The following RNF213 variants were observed in gnomAD, a reference collection of about 807,000 sequenced individuals.
RNF213 encodes the protein E3 ubiquitin-protein ligase RNF213.
In RNF213, 341 loss-of-function variants were observed where a neutral mutation model predicts 514.4. That is an observed-to-expected ratio of 0.66 (90% CI 0.61 to 0.73). RNF213 has a LOEUF of 0.73. Among genes scored for constraint, RNF213 ranks in the 30% least tolerant of loss-of-function variants. The pLI, the probability that RNF213 is intolerant of heterozygous loss-of-function variation, is 0.00. For synonymous variants in RNF213, 2,655 were observed against 2,658.2 expected (o/e 1.00, Z 0.04); for missense variants, 5,767 against 6,615.6 (o/e 0.87, Z 4.45).
chr17:80,285,653 C>T (rs1046667742), intron 3 of RNF213, among the ~76,000 whole-genome samples: 78 of 152,120 alleles, frequency 5.1e-4, no homozygotes, highest in African/African-American at 1.8e-3. Context: ...GACTCTTCTT[C>T]TGCAGCTGCT....
At chr17:80,337,184 G>C (rs1030523958) in intron 23 of RNF213, among the ~76,000 whole-genome samples, 2 of 152,224 alleles carry the variant, frequency 1.3e-5, no homozygotes, top group East Asian at 3.8e-4. Flanking sequence ...CTGAGGACTT[G>C]GGACTCCACA....
chr17:80,325,498 G>A (rs2046256113), intron 18 of RNF213, among the ~76,000 whole-genome samples: 2 of 152,016 alleles, frequency 1.3e-5, no homozygotes, highest in South Asian at 2.1e-4. Flanking sequence ...AAGGCCCCCA[G>A]TTTTCAGATC....
chr17:80,364,505 C>T lies in RNF213; in HGVS notation c.11823C>T (p.Val3941=), dbSNP rs148958011. Reference sequence around the variant, plus strand: ...TGCTCCTAGGAACCGAGAGCCGCGTCCCCGAGTTACAGGGGCTGGTGACCG... The same window carrying T: ...TGCTCCTAGGAACCGAGAGCCGCGTTCCCGAGTTACAGGGGCTGGTGACCG... ...EHVLLGTESR[V]PELQGLVTEH... is the part of the protein sequence containing the mutation. Residue 3941 remains valine (V), a synonymous_variant, in exon 42 of 68, where the codon GTC becomes GTT. Coordinates refer to ENST00000582970, the MANE Select transcript of RNF213 (RefSeq NM_001256071.3). 7.5e-4 allele frequency: 1,207 copies of T among 1,614,160 alleles called. No homozygotes were observed. Among genetic ancestry groups the T allele is most frequent in the Non-Finnish European group, 9.2e-4 (1,091 of 1,180,026 alleles).
intron 6 of RNF213, 88 bp from the exon 7 acceptor site, chr17:80,290,482 C>T (rs12942629): frequency 0.2 from 294,071 of 1,500,770 alleles, 30,462 homozygotes; most frequent in African/African-American, 0.36. Context: ...CGTGTGTGTG[C>T]GCACGTGTGT....
chr17:80,362,666 G>A (rs138066284), intron 39 of RNF213, among the ~76,000 whole-genome samples: 2,353 of 152,366 alleles, frequency 0.015, 30 homozygotes, highest in Middle Eastern at 0.027. Context: ...CACCTTATCC[G>A]ATCTGAACTG....
Position 80,350,316 on chromosome 17 carries a change from T to C in RNF213, c.10104T>C (p.Asn3368=). 6.2e-7 allele frequency: 1 copy of C among 1,606,694 alleles called. No homozygotes were observed. Among genetic ancestry groups the C allele is most frequent in the Non-Finnish European group, 8.5e-7 (1 of 1,173,264 alleles). The change falls in exon 31 of 68, where the codon AAT becomes AAC. Residue 3368 remains asparagine (N), a synonymous_variant. Coordinates refer to ENST00000582970, the MANE Select transcript of RNF213 (RefSeq NM_001256071.3). ...TTTCTTTCAGAAACTGTTTAACGAA[T>C]ACAGCCAAATGTAAAATCCTCATTT... is the stretch of plus-strand genomic sequence containing the variant. ...FLKEVRNCLT[N]TAKCKILIFQ...
intron 3 of RNF213, among the ~76,000 whole-genome samples, chr17:80,275,542 C>T (rs562320461): frequency 1.6e-4 from 24 of 152,056 alleles, no homozygotes; most frequent in Admixed American, 9.2e-4. Flanking sequence ...TCGAGCAGGA[C>T]GCACTCGAAA....
At chr17:80,270,027 G>T (rs2043766034) in intron 2 of RNF213, among the ~76,000 whole-genome samples, 1 of 152,212 alleles carries the variant, frequency 6.6e-6, no homozygotes, top group Admixed American at 6.5e-5. Flanking sequence ...TCCTCACCCT[G>T]GGCCAGGACT....
At chr17:80,338,123 A>C in intron 25 of RNF213, 126 bp downstream of exon 25, 4 of 1,178,798 alleles carry the variant, frequency 3.4e-6, no homozygotes, top group Non-Finnish European at 4.8e-6. Context: ...CTCTGCTCTT[A>C]GGCCCATGGA....
chr17:80,383,742 C>T lies in RNF213; in HGVS notation c.14136C>T (p.Asn4712=), dbSNP rs2080117139. 6.2e-7 allele frequency: 1 copy of T among 1,614,080 alleles called. No individual in the cohort carries two copies. Among genetic ancestry groups the T allele is most frequent in the African/African-American group, 1.3e-5 (1 of 75,028 alleles). The change falls in exon 59 of 68, where the codon AAC becomes AAT. Residue 4712 remains asparagine, a synonymous_variant. Transcript: ENST00000582970. ...GCCAAGATAAGCGTATCAGCTCTAA[C>T]CCTGTGGCCAAAATAATATATGGTG... ...LISQDKRISS[N]PVAKIIYGDP... is the part of the protein sequence containing the mutation.
At chr17:80,332,673 C>G in intron 21 of RNF213, 42 bp downstream of exon 21, 1 of 1,449,066 alleles carries the variant, frequency 6.9e-7, no homozygotes, top group Non-Finnish European at 9.0e-7. Context: ...GGAGGGGCGT[C>G]CTGCCTCAGC....
chr17:80,347,065 C>G lies in RNF213; in HGVS notation c.8730C>G (p.Leu2910=). 6.2e-7 allele frequency: 1 copy of G among 1,614,098 alleles called. No individual in the cohort carries two copies. The highest frequency in any genetic ancestry group is 8.5e-7 in the Non-Finnish European group (1 of 1,180,030). The change falls in exon 29 of 68, where the codon CTC becomes CTG. Residue 2910 remains leucine (L), a synonymous_variant. Transcript: ENST00000582970. The surrounding 1 kb of genome is among the most constrained non-coding windows in gnomAD (Gnocchi z 7.2). ...VSRGSPNETE[L]IESAKGICSS... is the part of the protein sequence containing the mutation. ...GTGGCAGCCCCAACGAGACAGAGCT[C>G]ATAGAGAGCGCCAAGGGCATCTGCT... is the stretch of plus-strand genomic sequence containing the variant.
chr17:80,377,880 A>AGGCTCTCGGCCTTCCAGGAGAGCAC lies in RNF213; in HGVS notation c.13545+85_13545+109dup, dbSNP rs2079825757. 1.3e-6 allele frequency: 2 copies of AGGCTCTCGGCCTTCCAGGAGAGCAC among 1,488,630 alleles called. No homozygotes were observed. Among genetic ancestry groups the AGGCTCTCGGCCTTCCAGGAGAGCAC allele is most frequent in the African/African-American group, 2.8e-5 (2 of 72,372 alleles). 92.2% of individuals were successfully genotyped at this position (1,488,630 alleles called of 1,614,324 possible). A position where few individuals can be genotyped will look rare whatever the true frequency, so the allele number is the denominator to read the frequency against. ...AGGGGGATCGTGGGTCAGGAGAGTGAGGCTCTCGGCCTTCCAGGAGAGCAC... is the reference window on the plus strand; with the variant it reads ...AGGGGGATCGTGGGTCAGGAGAGTGAGGCTCTCGGCCTTCCAGGAGAGCACGGCTCTCGGCCTTCCAGGAGAGCAC... On this transcript the variant is annotated intron_variant, in intron 54 of 67. Transcript: ENST00000582970. The surrounding 1 kb of genome is among the most constrained non-coding windows in gnomAD (Gnocchi z 4.1).
In RNF213 at chr17:80,353,334, G is replaced by T. The variant is rs2078601737; in HGVS notation, c.10424-178G>T. 1 of 827,444 alleles carries T rather than the reference G, an allele frequency of 1.2e-6. No homozygotes were observed. 51.3% of individuals were successfully genotyped at this position (827,444 alleles called of 1,614,324 possible). On this transcript the variant is annotated intron_variant, in intron 33 of 67. Coordinates refer to ENST00000582970, the MANE Select transcript of RNF213 (RefSeq NM_001256071.3). The surrounding 1 kb of genome is among the most constrained non-coding windows in gnomAD (Gnocchi z 5.0). Reference sequence around the variant, plus strand: ...GCCAGAGCCCAGGCTGGAAGGAAGGGGCTGCCTTGGGGGCTGATCTTCATG... The same window carrying T: ...GCCAGAGCCCAGGCTGGAAGGAAGGTGCTGCCTTGGGGGCTGATCTTCATG...
chr17:80,336,654 A>G (rs2077995638), intron 23 of RNF213: 5 of 447,286 alleles, frequency 1.1e-5, no homozygotes, highest in Non-Finnish European at 2.1e-5. Context: ...CGTTGCCAGG[A>G]GTTTTCTCTG....
chr17:80,363,444 CAGAGATGTT>C lies in RNF213; in HGVS notation c.11568+132_11568+140del. Reference sequence around the variant, plus strand: ...ACAAGGCACATACCTTAGCTGAATTCAGAGATGTTAAGGACACATCTCGCTGACGCTTCT... The same window carrying C: ...ACAAGGCACATACCTTAGCTGAATTCAAGGACACATCTCGCTGACGCTTCT... On this transcript the variant is annotated intron_variant, in intron 40 of 67. Coordinates refer to ENST00000582970, the MANE Select transcript of RNF213 (RefSeq NM_001256071.3). 2.5e-6 allele frequency: 3 copies of C among 1,211,722 alleles called. No homozygotes were observed. The South Asian group carries it at 3.7e-5, about 15-fold the overall frequency. The allele number at this position is 1,211,722 out of a possible 1,614,324, so 75.1% of individuals were successfully genotyped here. A position where few individuals can be genotyped will look rare whatever the true frequency, so the allele number is the denominator to read the frequency against.
Position 80,376,364 on chromosome 17 carries a change from C to A in RNF213, c.13249C>A (p.Arg4417Ser), listed in dbSNP as rs200435901. The change falls in exon 52 of 68, where the codon CGT becomes AGT. Residue 4417 changes from arginine (R) to serine (S), a missense_variant. Physicochemically the swap from Arg to Ser is moderately radical, Grantham distance 110. Transcript: ENST00000582970. ...GATCCTTTCACCTCCTGATATCAGCCGTTTTGCAACATCGCTCGTGGACAA... is the reference window on the plus strand; with the variant it reads ...GATCCTTTCACCTCCTGATATCAGCAGTTTTGCAACATCGCTCGTGGACAA... The part of the protein sequence containing the change: ...CKILSPPDIS[R>S]FATSLVDNSV... 11 of 1,614,070 alleles carry A rather than the reference C, an allele frequency of 6.8e-6. No individual in the cohort carries two copies. Among genetic ancestry groups the A allele is most frequent in the Non-Finnish European group, 8.5e-6 (10 of 1,180,026 alleles).
In RNF213 at chr17:80,376,282, T is replaced by G. The variant is rs767384250; in HGVS notation, c.13186-19T>G. 6.2e-7 allele frequency: 1 copy of G among 1,614,050 alleles called. No homozygotes were observed. Among genetic ancestry groups the G allele is most frequent in the East Asian group, 2.2e-5 (1 of 44,892 alleles). ...AATATTCTTTGATACATCTTAATGT[T>G]AAGTTTTTTTCCTGTCAGCAATGTG... On this transcript the variant is annotated intron_variant, in intron 51 of 67. Coordinates refer to ENST00000582970, the MANE Select transcript of RNF213 (RefSeq NM_001256071.3).
In RNF213 at chr17:80,298,437, A is replaced by T. The variant is rs2045042470; in HGVS notation, c.2129A>T (p.Asp710Val). 1 of 1,614,050 alleles carries T rather than the reference A, an allele frequency of 6.2e-7. No individual in the cohort carries two copies. The change falls in exon 11 of 68, where the codon GAT becomes GTT. Residue 710 changes from aspartate to valine, a missense_variant. This residue lies in a region of RNF213 where 592 missense variants were observed against 673.9 expected (regional missense o/e 0.88). Transcript: ENST00000582970. ...CCMELAPRHK[D>V]AWRQPEDTWA... ...ATGGAGCTGGCCCCGCGGCACAAGG[A>T]TGCCTGGAGACAGCCTGAGGACACC... is the stretch of plus-strand genomic sequence containing the variant.
Sources: gnomAD v4.1 joint callset for allele counts (sites outside exome capture counted in the v4.1 genomes callset) on GRCh38, gnomAD v4.1.1 for gene constraint, gnomAD v4.1.1 regional missense constraint, Gnocchi (gnomAD v3.1) non-coding constraint, MANE v1.5 for transcripts, NCBI Gene and HGNC (gene_info 2026-07-23, HGNC 2026-07-21) for gene names.